The following CNTNAP2 variants were observed in gnomAD, a reference collection of about 807,000 sequenced individuals.
The protein encoded by CNTNAP2 is contactin-associated protein-like 2.
In CNTNAP2, 98 loss-of-function variants were observed where a neutral mutation model predicts 155.2. The observed-to-expected ratio is 0.63, with a 90% confidence interval of 0.54 to 0.75. The LOEUF (loss-of-function observed/expected upper bound fraction) is 0.75, where lower values mean the gene tolerates loss of function less well. Ranked by LOEUF, CNTNAP2 falls within the 30% of genes least tolerant of loss-of-function variation. The pLI is 0.00. For missense variants in CNTNAP2, 1,727 were observed against 1,688.1 expected, an observed-to-expected ratio of 1.02 and a Z score of -0.40; for synonymous variants, 651 against 631.2, an observed-to-expected ratio of 1.03 and a Z score of -0.47.
chr7:146,188,862 G>A (rs1003767012), intron 1 of CNTNAP2, among the ~76,000 whole-genome samples: 6 of 152,176 alleles, frequency 3.9e-5, no homozygotes, highest in African/African-American at 1.4e-4. Context: ...GGCCATATGA[G>A]TAATGTCATA....
At chr7:146,258,530 T>C (rs1046188571) in intron 1 of CNTNAP2, among the ~76,000 whole-genome samples, 8 of 152,232 alleles carry the variant, frequency 5.3e-5, no homozygotes, top group Non-Finnish European at 1.0e-4. Flanking sequence ...TTGTTGATGT[T>C]GGAGGTTCTC....
At chr7:148,042,003 C>T (rs757695) in intron 15 of CNTNAP2, among the ~76,000 whole-genome samples, 36,383 of 152,144 alleles carry the variant, frequency 0.24, 5,462 homozygotes, top group East Asian at 0.48. Context: ...AGCCAAGTTC[C>T]AGGTTCTGTG....
At chr7:146,186,280 C>T (rs1798622670) in intron 1 of CNTNAP2, among the ~76,000 whole-genome samples, 1 of 152,002 alleles carries the variant, frequency 6.6e-6, no homozygotes, top group Admixed American at 6.6e-5. Context: ...TTACCTTTAC[C>T]TTCATTCCCC....
intron 10 of CNTNAP2, among the ~76,000 whole-genome samples, chr7:147,414,959 A>AAG (rs1554481746): frequency 6.6e-6 from 1 of 150,590 alleles, no homozygotes; most frequent in East Asian, 1.9e-4. Context: ...AAAAAAAAAA[A>AAG]AAAAGAAAAG....
At chr7:147,564,995 G>A (rs1800140924) in intron 12 of CNTNAP2, among the ~76,000 whole-genome samples, 1 of 152,164 alleles carries the variant, frequency 6.6e-6, no homozygotes, top group African/African-American at 2.4e-5. Flanking sequence ...ACATCATAAA[G>A]AGAGCATGAT....
chr7:146,917,892 G>A (rs902374692), intron 3 of CNTNAP2, among the ~76,000 whole-genome samples: 25 of 152,038 alleles, frequency 1.6e-4, no homozygotes, highest in African/African-American at 3.4e-4. Flanking sequence ...TTCTTTCCAC[G>A]TTACCCAGTC....
At chr7:147,273,898 TTATA>T (rs1426061491) in intron 8 of CNTNAP2, among the ~76,000 whole-genome samples, 1 of 147,944 alleles carries the variant, frequency 6.8e-6, no homozygotes, top group Non-Finnish European at 1.5e-5. Context: ...ATATGTGTAA[TTATA>T]TATTACGTAT....
intron 1 of CNTNAP2, among the ~76,000 whole-genome samples, chr7:146,628,165 C>T (rs1486947969): frequency 2.0e-5 from 3 of 152,042 alleles, no homozygotes; most frequent in East Asian, 3.9e-4. Flanking sequence ...AGCTTTAGAC[C>T]ATTCCTATCA....
intron 14 of CNTNAP2, among the ~76,000 whole-genome samples, chr7:147,956,444 G>C (rs1303915609): frequency 6.6e-6 from 1 of 152,146 alleles, no homozygotes; most frequent in East Asian, 1.9e-4. Flanking sequence ...TTTCTCCTAA[G>C]TCTGGACAGA....
rs1226681385 is a variant in CNTNAP2 at position 146,151,635 on chromosome 7, GATATATAT to G, written c.97+34701_97+34708del. 5.5e-3 allele frequency among the ~76,000 whole-genome samples: 199 copies of G among 36,340 alleles called. 2 individuals are homozygous for G. The highest frequency in any genetic ancestry group is 0.015 in the South Asian group (12 of 798). 23.8% of individuals were successfully genotyped at this position (36,340 alleles called of 152,430 possible). Reference sequence around the variant, plus strand: ...ACTGATGAATGGACAAAGAAAACGTGATATATATATATATATATATATATATATATATA... The same window carrying G: ...ACTGATGAATGGACAAAGAAAACGTGATATATATATATATATATATATATA... On this transcript the variant is annotated intron_variant, in intron 1 of 23. Coordinates refer to ENST00000361727, the MANE Select transcript of CNTNAP2 (RefSeq NM_014141.6).
At position 148,098,313 on chromosome 7, in the gene CNTNAP2, A is replaced by G. The variant is rs201578477; in HGVS notation, c.2384-19805A>G. 6.6e-5 allele frequency among the ~76,000 whole-genome samples: 10 copies of G among 151,736 alleles called. No homozygotes were observed. In the East Asian group the frequency reaches 1.9e-3, roughly 30 times the overall value. ...ACAAAAATTAGCTGAGTGTGGTGGC[A>G]CACGCCTGTAGTCCCAGCTACTCGG... On this transcript the variant is annotated intron_variant, in intron 15 of 23. Coordinates refer to ENST00000361727, the MANE Select transcript of CNTNAP2 (RefSeq NM_014141.6).
At chr7:147,373,039 G>A (rs147997236) in intron 9 of CNTNAP2, among the ~76,000 whole-genome samples, 38 of 151,900 alleles carry the variant, frequency 2.5e-4, no homozygotes, top group Non-Finnish European at 1.5e-4. Flanking sequence ...TGATCGTACC[G>A]TCCAGGGACA....
intron 13 of CNTNAP2, among the ~76,000 whole-genome samples, chr7:147,778,255 A>T (rs1797616966): frequency 6.6e-6 from 1 of 152,260 alleles, no homozygotes; most frequent in Admixed American, 6.5e-5. Context: ...AGACAGAGAC[A>T]CTGTAATATT....
intron 12 of CNTNAP2, among the ~76,000 whole-genome samples, chr7:147,591,588 C>T (rs987775714): frequency 1.3e-5 from 2 of 152,134 alleles, no homozygotes; most frequent in African/African-American, 4.8e-5. Flanking sequence ...TACCACCTTA[C>T]CATTTCCTTC....
intron 1 of CNTNAP2, among the ~76,000 whole-genome samples, chr7:146,561,824 A>T (rs1020966114): frequency 6.6e-6 from 1 of 152,100 alleles, no homozygotes; most frequent in Non-Finnish European, 1.5e-5. Flanking sequence ...GTTTCTGGCT[A>T]TGTTGCCCAG....
At chr7:148,368,777 G>A (rs571676501) in intron 21 of CNTNAP2, among the ~76,000 whole-genome samples, 2 of 152,204 alleles carry the variant, frequency 1.3e-5, no homozygotes, top group Admixed American at 1.3e-4. Context: ...GCAAGCAGGG[G>A]GTATGTGACA....
At chr7:146,373,975 T>C (rs1337194925) in intron 1 of CNTNAP2, among the ~76,000 whole-genome samples, 1 of 152,184 alleles carries the variant, frequency 6.6e-6, no homozygotes, top group East Asian at 1.9e-4. Flanking sequence ...TTTCAAAATG[T>C]GTGTGTATGT....
chr7:147,211,447 G>A (rs558506472), intron 8 of CNTNAP2, among the ~76,000 whole-genome samples: 19 of 152,050 alleles, frequency 1.2e-4, no homozygotes, highest in Admixed American at 1.1e-3. Context: ...AAACAGCATA[G>A]CACTGGCACA....
At chr7:146,992,946 A>G (rs1584771096) in intron 3 of CNTNAP2, among the ~76,000 whole-genome samples, 1 of 152,158 alleles carries the variant, frequency 6.6e-6, no homozygotes, top group Admixed American at 6.6e-5. Context: ...TTCTTATTCT[A>G]TTCTCTGCTC....
Sources: gnomAD v4.1 joint callset for allele counts (sites outside exome capture counted in the v4.1 genomes callset) on GRCh38, gnomAD v4.1.1 for gene constraint, MANE v1.5 for transcripts, NCBI Gene and HGNC (gene_info 2026-07-23, HGNC 2026-07-21) for gene names.